RFTN2: variants seen among roughly 807,000 people sequenced by gnomAD.
The protein encoded by RFTN2 is raftlin family member 2, also known as raftlin-2.
A neutral mutation model predicts 52.7 loss-of-function variants in RFTN2; 34 were observed. The ratio of observed to expected loss-of-function variants is 0.64; its 90% CI spans 0.49 to 0.86. The LOEUF (loss-of-function observed/expected upper bound fraction) is 0.86, where lower values mean the gene tolerates loss of function less well. Among genes scored for constraint, RFTN2 ranks in the 40% least tolerant of loss-of-function variants. RFTN2 has a pLI of 0.00. For synonymous variants in RFTN2, 203 were observed against 217.7 expected, an observed-to-expected ratio of 0.93 and a Z score of 0.59; for missense variants, 536 against 600.1, an observed-to-expected ratio of 0.89 and a Z score of 1.12.
chr2:197,660,283 A>G (rs941374109), intron 1 of RFTN2, among the ~76,000 whole-genome samples: 1 of 151,958 alleles, frequency 6.6e-6, no homozygotes, highest in African/African-American at 2.4e-5. Context: ...TGGATATTAG[A>G]AGGAGTATCT....
intron 7 of RFTN2, 96 bp from the exon 8 acceptor site, chr2:197,596,165 ATCT>A (rs1191774714): frequency 1.7e-6 from 1 of 575,118 alleles, no homozygotes; most frequent in Non-Finnish European, 3.0e-6. Context: ...TTGTAAAATA[ATCT>A]TCTGACCAAA....
At chr2:197,642,822 T>C (rs1405084948) in intron 3 of RFTN2, among the ~76,000 whole-genome samples, 1 of 151,978 alleles carries the variant, frequency 6.6e-6, no homozygotes, top group Non-Finnish European at 1.5e-5. Flanking sequence ...CTTTACAAAA[T>C]AAAAAAATTG....
intron 3 of RFTN2, among the ~76,000 whole-genome samples, chr2:197,637,642 A>C (rs1290129631): frequency 3.3e-5 from 5 of 152,006 alleles, no homozygotes; most frequent in East Asian, 1.9e-4. Context: ...TTTCTTTATT[A>C]GTCTTGCTAG....
At chr2:197,673,163 T>C (rs1044589659) in intron 1 of RFTN2, among the ~76,000 whole-genome samples, 1 of 152,148 alleles carries the variant, frequency 6.6e-6, no homozygotes, top group Non-Finnish European at 1.5e-5. Flanking sequence ...TTTTATTTCC[T>C]GAAAGGTTGC....
intron 5 of RFTN2, among the ~76,000 whole-genome samples, chr2:197,625,250 T>C (rs1182432374): frequency 6.6e-6 from 1 of 152,228 alleles, no homozygotes; most frequent in Non-Finnish European, 1.5e-5. Context: ...TGAACTTGTG[T>C]ACTCCTTGGC....
In RFTN2 at chr2:197,616,917, G is replaced by A. The variant is rs1301405647; in HGVS notation, c.1050+883C>T. On this transcript the variant is annotated intron_variant, in intron 6 of 8. Coordinates refer to ENST00000295049, the MANE Select transcript of RFTN2 (RefSeq NM_144629.3). ...GGTAAAAGTATCCCTGAAACAGCCT[G>A]TCAGGGAGGGCCTCAAACACAAAAC... Among the ~76,000 whole-genome samples, 15 of 152,292 alleles carry A rather than the reference G, an allele frequency of 9.8e-5. No homozygotes were observed. The East Asian group carries it at 2.9e-3, about 29-fold the overall frequency.
intron 7 of RFTN2, among the ~76,000 whole-genome samples, chr2:197,608,230 T>C (rs923784784): frequency 1.3e-5 from 2 of 151,710 alleles, no homozygotes; most frequent in Non-Finnish European, 2.9e-5. Context: ...CTGCAGAAAA[T>C]GGAAGAGGGG....
chr2:197,643,237 C>T (rs1179116187), intron 3 of RFTN2, among the ~76,000 whole-genome samples: 2 of 152,072 alleles, frequency 1.3e-5, no homozygotes, highest in Non-Finnish European at 2.9e-5. Flanking sequence ...GCATGTGCCA[C>T]CACGTCCTGC....
At chr2:197,590,228 C>T (rs2087680999) in intron 8 of RFTN2, among the ~76,000 whole-genome samples, 1 of 152,098 alleles carries the variant, frequency 6.6e-6, no homozygotes, top group Non-Finnish European at 1.5e-5. Context: ...TGCCTAACTC[C>T]ACTTGACAAA....
intron 1 of RFTN2, among the ~76,000 whole-genome samples, 189 bp downstream of exon 1, chr2:197,675,130 TG>T (rs2089197887): frequency 6.6e-6 from 1 of 152,204 alleles, no homozygotes; most frequent in African/African-American, 2.4e-5. Context: ...ATATGAGCCA[TG>T]TTACCAAAAT....
chr2:197,607,321 G>A (rs561135151), intron 7 of RFTN2, among the ~76,000 whole-genome samples: 6 of 152,152 alleles, frequency 3.9e-5, no homozygotes, highest in Non-Finnish European at 2.9e-5. Context: ...CACACTCTGG[G>A]GACAGTTGTG....
chr2:197,614,661 C>T (rs1030740313), intron 7 of RFTN2, among the ~76,000 whole-genome samples: 1 of 152,240 alleles, frequency 6.6e-6, no homozygotes, highest in African/African-American at 2.4e-5. Flanking sequence ...AGCTCCTGCA[C>T]CTGCCCATCT....
At chr2:197,632,499 C>T (rs2088483606) in intron 4 of RFTN2, among the ~76,000 whole-genome samples, 1 of 152,218 alleles carries the variant, frequency 6.6e-6, no homozygotes, top group African/African-American at 2.4e-5. Context: ...TGTCAGTTTC[C>T]TAAGGCCTCT....
At chr2:197,605,903 A>G (rs2087954352) in intron 7 of RFTN2, among the ~76,000 whole-genome samples, 1 of 152,186 alleles carries the variant, frequency 6.6e-6, no homozygotes, top group Non-Finnish European at 1.5e-5. Context: ...CCCCTCAGAC[A>G]TCATGAGCTT....
At chr2:197,596,509 A>G (rs564604371) in intron 7 of RFTN2, among the ~76,000 whole-genome samples, 2 of 152,340 alleles carry the variant, frequency 1.3e-5, no homozygotes, top group Admixed American at 6.5e-5. Flanking sequence ...TAATGGTTGC[A>G]TAATAACTCA....
chr2:197,661,950 T>G lies in RFTN2; in HGVS notation c.139+13370A>C, dbSNP rs541294964. On this transcript the variant is annotated intron_variant, in intron 1 of 8. Coordinates refer to ENST00000295049, the MANE Select transcript of RFTN2 (RefSeq NM_144629.3). ...CATTTGTATGTCTTCTCTTGAGAAT[T>G]GTCTATTCATGTAATTTGCCCACTT... Among the ~76,000 whole-genome samples the G allele has an allele frequency of 2.6e-5, 4 of 152,332 alleles. No homozygotes were observed. The East Asian group carries it at 7.7e-4, about 29-fold the overall frequency.
chr2:197,633,592 T>A (rs1979239), intron 4 of RFTN2, 126 bp downstream of exon 4: 3 of 759,992 alleles, frequency 3.9e-6, no homozygotes, highest in African/African-American at 1.8e-5. Flanking sequence ...CATGAGGTTT[T>A]TATTAGTTCA....
At chr2:197,625,682 TC>T in intron 5 of RFTN2, among the ~76,000 whole-genome samples, 1 of 123,440 alleles carries the variant, frequency 8.1e-6, no homozygotes, top group Non-Finnish European at 1.8e-5. Flanking sequence ...TCCTCTCCTC[TC>T]CTCTCCTCTC....
chr2:197,641,112 T>G (rs1447801519), intron 3 of RFTN2, among the ~76,000 whole-genome samples: 1 of 152,164 alleles, frequency 6.6e-6, no homozygotes, highest in East Asian at 1.9e-4. Context: ...GAAAAAGAAT[T>G]ATGATGGAGG....
Sources: gnomAD v4.1 joint callset for allele counts (sites outside exome capture counted in the v4.1 genomes callset) on GRCh38, gnomAD v4.1.1 for gene constraint, MANE v1.5 for transcripts, NCBI Gene and HGNC (gene_info 2026-07-23, HGNC 2026-07-21) for gene names.